CDK15: variants seen among roughly 807,000 people sequenced by gnomAD.
The protein encoded by CDK15 is cyclin-dependent kinase 15.
In CDK15, 62 loss-of-function variants were observed where a neutral mutation model predicts 60.3. The observed-to-expected ratio is 1.03, with a 90% CI of 0.84 to 1.27. The LOEUF is 1.27. Among genes scored for constraint, CDK15 ranks in the 50% most tolerant of loss-of-function variants. The probability of loss-of-function intolerance (pLI) is 0.00; values close to 1 mark genes in which losing one functional copy is unlikely to be tolerated. For synonymous variants in CDK15, 194 were observed against 195.7 expected, an observed-to-expected ratio of 0.99 and a Z score of 0.07; for missense variants, 541 against 527.8, an observed-to-expected ratio of 1.03 and a Z score of -0.25.
At position 201,836,177 on chromosome 2, in the gene CDK15, T is replaced by TA. The variant is rs1441241530; in HGVS notation, c.851+414_851+415insA. 4.2e-5 allele frequency among the ~76,000 whole-genome samples: 4 copies of TA among 95,544 alleles called. 1 individual carries two copies. The highest frequency in any genetic ancestry group is 8.2e-5 in the Non-Finnish European group (4 of 48,878). 62.7% of individuals were successfully genotyped at this position (95,544 alleles called of 152,430 possible). ...TTTTATATATTTATATATTTATATATTATATATATTTTTTTATATATATAT... is the reference window on the plus strand; with the variant it reads ...TTTTATATATTTATATATTTATATATATATATATATTTTTTTATATATATAT... On this transcript the variant is annotated intron_variant, in intron 8 of 13. Coordinates refer to ENST00000652192, the MANE Select transcript of CDK15 (RefSeq NM_001366386.2).
intron 11 of CDK15, chr2:201,876,648 C>G: frequency 9.2e-7 from 1 of 1,085,274 alleles, no homozygotes; most frequent in South Asian, 1.3e-5. Flanking sequence ...CAGAAACCAC[C>G]AGAAGCCCTG....
chr2:201,807,729 A>G, intron 2 of CDK15, 86 bp downstream of exon 2: 1 of 1,578,734 alleles, frequency 6.3e-7, no homozygotes, highest in Non-Finnish European at 8.7e-7. Flanking sequence ...GCAATTACTG[A>G]GCGAGCCTTC....
chr2:201,845,000 T>C (rs931043365), intron 8 of CDK15, among the ~76,000 whole-genome samples: 3 of 151,738 alleles, frequency 2.0e-5, no homozygotes, highest in African/African-American at 7.3e-5. Context: ...AATACAAAAA[T>C]TAGCCAGGCA....
intron 11 of CDK15, among the ~76,000 whole-genome samples, chr2:201,872,997 G>A: frequency 6.6e-6 from 1 of 152,128 alleles, no homozygotes; most frequent in East Asian, 1.9e-4. Context: ...TCAGAGACAG[G>A]GGAAACGAGC....
At chr2:201,812,278 C>A (rs985182040) in intron 3 of CDK15, among the ~76,000 whole-genome samples, 4 of 150,416 alleles carry the variant, frequency 2.7e-5, no homozygotes, top group Non-Finnish European at 4.4e-5. Flanking sequence ...ATATATATAT[C>A]ACTTTAGTAA....
At chr2:201,865,168 A>G (rs1297120236) in intron 10 of CDK15, among the ~76,000 whole-genome samples, 2 of 152,226 alleles carry the variant, frequency 1.3e-5, no homozygotes, top group Admixed American at 6.5e-5. Context: ...CATTGGCTGC[A>G]TGTGGTGGCC....
chr2:201,874,530 G>T (rs1010544483), intron 11 of CDK15, among the ~76,000 whole-genome samples: 1 of 152,198 alleles, frequency 6.6e-6, no homozygotes, highest in Non-Finnish European at 1.5e-5. Context: ...GTAAGTGGTA[G>T]AGCCAGGATT....
chr2:201,846,583 T>C (rs1697681633), intron 8 of CDK15, among the ~76,000 whole-genome samples: 1 of 150,690 alleles, frequency 6.6e-6, no homozygotes, highest in South Asian at 2.1e-4. Context: ...TTTTTTAAAC[T>C]CCTAGGAACC....
At chr2:201,864,910 C>G (rs541531753) in intron 10 of CDK15, among the ~76,000 whole-genome samples, 26 of 152,192 alleles carry the variant, frequency 1.7e-4, no homozygotes, top group African/African-American at 6.3e-4. Context: ...GTATTTAAAG[C>G]CTCAGGTGTG....
At chr2:201,887,304 A>G (rs768150466) in intron 12 of CDK15, among the ~76,000 whole-genome samples, 13 of 152,234 alleles carry the variant, frequency 8.5e-5, no homozygotes, top group Non-Finnish European at 7.3e-5. Flanking sequence ...TAATATGCAC[A>G]TGAACAAAAC....
At chr2:201,861,092 T>G in intron 10 of CDK15, 1 of 1,065,248 alleles carries the variant, frequency 9.4e-7, no homozygotes, top group South Asian at 3.0e-5. Context: ...TAAAAGAGGC[T>G]TTAACTGCAG....
At position 201,863,335 on chromosome 2, in the gene CDK15, G is replaced by C. The variant is rs529716866; in HGVS notation, c.1009+8398G>C. On this transcript the variant is annotated intron_variant, in intron 10 of 13. Transcript: ENST00000652192. ...GCAAGTGAGTGAAAGCAGGTAAAAA[G>C]TATTTTTTCTAAAGTAAAACTCCAA... 4.6e-5 allele frequency among the ~76,000 whole-genome samples: 7 copies of C among 151,978 alleles called. No homozygotes were observed. In the East Asian group the frequency reaches 1.4e-3, roughly 29 times the overall value.
intron 9 of CDK15, among the ~76,000 whole-genome samples, chr2:201,848,969 T>C (rs1464529789): frequency 3.3e-5 from 5 of 152,200 alleles, no homozygotes; most frequent in East Asian, 1.9e-4. Flanking sequence ...AAAAACTTTC[T>C]TGCAAGACAG....
At position 201,807,909 on chromosome 2, in the gene CDK15, C is replaced by A; in HGVS notation, c.325C>A (p.Leu109Met). The change falls in exon 3 of 14, where the codon CTG becomes ATG. Residue 109 changes from leucine (L) to methionine (M), a missense_variant. By Grantham distance (15) the Leu-to-Met change is conservative. Transcript: ENST00000652192. The stretch of plus-strand genomic sequence containing the variant: ...CTCATCTTACTTGAACTTGGAGAAG[C>A]TGGGTGAAGGCTCTTATGCGACAGT... ...AASSYLNLEK[L>M]GEGSYATVYK... 6.2e-7 allele frequency: 1 copy of A among 1,614,154 alleles called. No individual in the cohort carries two copies. Among genetic ancestry groups the A allele is most frequent in the Non-Finnish European group, 8.5e-7 (1 of 1,180,026 alleles).
At chr2:201,832,140 G>T (rs1696784458) in intron 6 of CDK15, among the ~76,000 whole-genome samples, 1 of 151,730 alleles carries the variant, frequency 6.6e-6, no homozygotes, top group Non-Finnish European at 1.5e-5. Flanking sequence ...CTGCCTTCCA[G>T]GTTCAAGCAA....
At chr2:201,854,169 G>A (rs1013977038) in intron 9 of CDK15, among the ~76,000 whole-genome samples, 9 of 151,242 alleles carry the variant, frequency 6.0e-5, no homozygotes, top group East Asian at 1.9e-4. Context: ...GCGAGACTCC[G>A]TCTCAAAAAA....
intron 10 of CDK15, among the ~76,000 whole-genome samples, chr2:201,866,679 T>C (rs749737845): frequency 5.9e-5 from 9 of 152,212 alleles, no homozygotes; most frequent in Non-Finnish European, 1.3e-4. Context: ...TTAGAGGCTA[T>C]TGAAGCCAGA....
chr2:201,854,741 T>G (rs1286084383), intron 9 of CDK15, 133 bp from the exon 10 acceptor site: 1 of 700,794 alleles, frequency 1.4e-6, no homozygotes, highest in African/African-American at 1.8e-5. Flanking sequence ...ATACATCAGC[T>G]GGTGTCATGC....
intron 9 of CDK15, among the ~76,000 whole-genome samples, chr2:201,847,856 G>A (rs1478919056): frequency 2.0e-5 from 3 of 152,160 alleles, no homozygotes; most frequent in Non-Finnish European, 4.4e-5. Flanking sequence ...ATAAGACATA[G>A]AATTTTTAGC....
Sources: allele counts gnomAD v4.1 joint callset (sites outside exome capture counted in the v4.1 genomes callset), GRCh38; gene constraint gnomAD v4.1.1; transcripts MANE v1.5; gene names NCBI Gene and HGNC (gene_info 2026-07-23, HGNC 2026-07-21).